The following DOCK7 variants were observed in gnomAD, a reference collection of about 807,000 sequenced individuals.
The protein encoded by DOCK7 is dedicator of cytokinesis protein 7.
A neutral mutation model predicts 271.0 loss-of-function variants in DOCK7; 138 were observed. The observed-to-expected ratio is 0.51, with a 90% CI of 0.44 to 0.59. The LOEUF is 0.59. Among genes scored for constraint, DOCK7 ranks in the 20% least tolerant of loss-of-function variants. The pLI, the probability that DOCK7 is intolerant of heterozygous loss-of-function variation, is 0.00. For synonymous variants in DOCK7, 823 were observed against 876.1 expected (o/e 0.94, Z 1.07); for missense variants, 2,066 against 2,592.4 (o/e 0.80, Z 4.41).
At chr1:62,491,588 A>C (rs561793431) in intron 41 of DOCK7, among the ~76,000 whole-genome samples, 1 of 152,380 alleles carries the variant, frequency 6.6e-6, no homozygotes, top group South Asian at 2.1e-4. Flanking sequence ...GCAGTTCATA[A>C]AACTAAAGAG....
intron 43 of DOCK7, chr1:62,478,398 C>G (rs1646025773): frequency 6.6e-6 from 1 of 152,046 alleles, no homozygotes; most frequent in African/African-American, 2.4e-5. Context: ...AATTAGCAGC[C>G]CTGTGCCAAT....
At chr1:62,654,901 G>C (rs577639172) in intron 2 of DOCK7, among the ~76,000 whole-genome samples, 4 of 152,272 alleles carry the variant, frequency 2.6e-5, no homozygotes, top group African/African-American at 9.6e-5. Flanking sequence ...ACAAGTCAAG[G>C]AATGCCAAAG....
At chr1:62,578,663 A>G (rs1434376085) in intron 17 of DOCK7, among the ~76,000 whole-genome samples, 165 bp downstream of exon 17, 1 of 132,242 alleles carries the variant, frequency 7.6e-6, no homozygotes, top group Non-Finnish European at 1.5e-5. Flanking sequence ...CGGAGGTTGC[A>G]GTGAGCCAAG....
At chr1:62,645,702 A>G (rs901516349) in intron 7 of DOCK7, among the ~76,000 whole-genome samples, 1 of 152,224 alleles carries the variant, frequency 6.6e-6, no homozygotes, top group Non-Finnish European at 1.5e-5. Context: ...CACTGAATAT[A>G]CACTGAGTGA....
At position 62,513,771 on chromosome 1, in the gene DOCK7, T is replaced by G; in HGVS notation, c.4064A>C (p.Gln1355Pro). ...QKWFTDLSVL[Q>P]LNRLLDLLYL... is the part of the protein sequence containing the mutation. ...AAGCAGATCTAATAGCCGGTTTAGCTGCAAGACTGAGAGATCTGTAAACCA... is the reference window on the plus strand; with the variant it reads ...AAGCAGATCTAATAGCCGGTTTAGCGGCAAGACTGAGAGATCTGTAAACCA... Residue 1355 changes from glutamine (Q) to proline (P), a missense_variant, in exon 32 of 50, where the codon CAG (glutamine) becomes CCG (proline). Gln to Pro is a moderately conservative substitution (Grantham distance 76). Coordinates refer to ENST00000635253, the MANE Select transcript of DOCK7 (RefSeq NM_001367561.1). 1 of 1,614,214 alleles carries G rather than the reference T, an allele frequency of 6.2e-7. No individual in the cohort carries two copies. The highest frequency in any genetic ancestry group is 1.1e-5 in the South Asian group (1 of 91,082).
Position 62,641,811 on chromosome 1 carries a change from T to C in DOCK7, c.819-5208A>G, listed in dbSNP as rs6701419. 866 of 256,006 alleles carry C rather than the reference T, an allele frequency of 3.4e-3. 8 individuals carry two copies. Among genetic ancestry groups the C allele is most frequent in the African/African-American group, 0.018 (806 of 45,034 alleles). 15.9% of individuals were successfully genotyped at this position (256,006 alleles called of 1,614,324 possible). On this transcript the variant is annotated intron_variant, in intron 7 of 49. Transcript: ENST00000635253. Reference sequence around the variant, plus strand: ...AGTACAGTTTTTAACATTTTATCAATATGTGTTGACCCTCTGTTTTGACTT... The same window carrying C: ...AGTACAGTTTTTAACATTTTATCAACATGTGTTGACCCTCTGTTTTGACTT...
At position 62,558,970 on chromosome 1, in the gene DOCK7, C is replaced by T. The variant is rs760324157; in HGVS notation, c.2431+19G>A. 1 of 1,586,102 alleles carries T rather than the reference C, an allele frequency of 6.3e-7. No individual in the cohort carries two copies. Among genetic ancestry groups the T allele is most frequent in the Non-Finnish European group, 8.6e-7 (1 of 1,159,982 alleles). ...AAGTTATAAATTTCACGTCTCATCCCCAAACAAAAGTAAATTACCTATTTG... is the reference window on the plus strand; with the variant it reads ...AAGTTATAAATTTCACGTCTCATCCTCAAACAAAAGTAAATTACCTATTTG... On this transcript the variant is annotated intron_variant, in intron 20 of 49. Coordinates refer to ENST00000635253, the MANE Select transcript of DOCK7 (RefSeq NM_001367561.1).
intron 14 of DOCK7, among the ~76,000 whole-genome samples, chr1:62,610,108 CA>C (rs1438160088): frequency 6.6e-6 from 1 of 152,126 alleles, no homozygotes; most frequent in Non-Finnish European, 1.5e-5. Context: ...CTCGGCCTCC[CA>C]AAGTGCTAAG....
At chr1:62,548,713 G>A (rs1283647894) in intron 22 of DOCK7, among the ~76,000 whole-genome samples, 7 of 152,128 alleles carry the variant, frequency 4.6e-5, no homozygotes, top group African/African-American at 1.2e-4. Flanking sequence ...GAGCCACCAC[G>A]CCCAGCCATG....
intron 22 of DOCK7, among the ~76,000 whole-genome samples, chr1:62,550,873 G>A (rs890820242): frequency 2.0e-5 from 3 of 151,628 alleles, no homozygotes; most frequent in South Asian, 2.1e-4. Flanking sequence ...GGCATCTGCC[G>A]CCGTGCCTGG....
At chr1:62,499,053 C>T (rs561976450) in intron 37 of DOCK7, among the ~76,000 whole-genome samples, 32 of 152,158 alleles carry the variant, frequency 2.1e-4, no homozygotes, top group Non-Finnish European at 3.4e-4. Context: ...CCACCTGCCT[C>T]GGCCTCCCAA....
At chr1:62,546,756 AT>A (rs1331958111) in intron 22 of DOCK7, among the ~76,000 whole-genome samples, 1 of 152,148 alleles carries the variant, frequency 6.6e-6, no homozygotes, top group African/African-American at 2.4e-5. Flanking sequence ...TTAAAATAAA[AT>A]ATCTGCCTTC....
At chr1:62,472,682 C>T (rs1487747573) in intron 48 of DOCK7, among the ~76,000 whole-genome samples, 11 of 152,168 alleles carry the variant, frequency 7.2e-5, no homozygotes, top group Non-Finnish European at 1.5e-4. Flanking sequence ...TGTTTTCTTA[C>T]ACCTCCCAAA....
chr1:62,659,914 A>T (rs1465512943), intron 2 of DOCK7, among the ~76,000 whole-genome samples: 1 of 152,226 alleles, frequency 6.6e-6, no homozygotes, highest in African/African-American at 2.4e-5. Flanking sequence ...ACTAAATAAC[A>T]GAGCTATAAA....
intron 1 of DOCK7, among the ~76,000 whole-genome samples, chr1:62,682,135 G>T (rs1485588674): frequency 6.6e-6 from 1 of 151,996 alleles, no homozygotes; most frequent in Non-Finnish European, 1.5e-5. Context: ...CTGACTGGAG[G>T]ACAATATGTA....
chr1:62,601,476 T>C (rs1264814462), intron 14 of DOCK7, among the ~76,000 whole-genome samples: 3 of 151,678 alleles, frequency 2.0e-5, no homozygotes, highest in African/African-American at 7.2e-5. Context: ...AATCTCCTGT[T>C]TAAGAGATAC....
At chr1:62,673,107 A>G (rs1191748382) in intron 1 of DOCK7, among the ~76,000 whole-genome samples, 1 of 152,110 alleles carries the variant, frequency 6.6e-6, no homozygotes, top group African/African-American at 2.4e-5. Flanking sequence ...GTTTAGGAAC[A>G]CAGAAGACTG....
chr1:62,462,343 T>C (rs1051570980), intron 48 of DOCK7, among the ~76,000 whole-genome samples: 4 of 152,166 alleles, frequency 2.6e-5, no homozygotes, highest in African/African-American at 9.7e-5. Context: ...AAACAGTCCT[T>C]CAACAAAACA....
At chr1:62,558,171 C>A (rs1185815466) in intron 20 of DOCK7, among the ~76,000 whole-genome samples, 1 of 152,076 alleles carries the variant, frequency 6.6e-6, no homozygotes, top group Non-Finnish European at 1.5e-5. Context: ...AAAATTCCTC[C>A]CCCAAATTCA....
Sources: allele counts gnomAD v4.1 joint callset (sites outside exome capture counted in the v4.1 genomes callset), GRCh38; gene constraint gnomAD v4.1.1; transcripts MANE v1.5; gene names NCBI Gene and HGNC (gene_info 2026-07-23, HGNC 2026-07-21).